Variants in TENM4 observed in about 807,000 individuals in gnomAD.
TENM4 encodes the protein teneurin transmembrane protein 4.
A neutral mutation model predicts 243.3 loss-of-function variants in TENM4; 82 were observed. That is an observed-to-expected ratio of 0.34 (90% CI 0.28 to 0.40). The LOEUF (loss-of-function observed/expected upper bound fraction) is 0.40. Ranked by LOEUF, TENM4 falls within the 10% of genes least tolerant of loss-of-function variation. The pLI, the probability that TENM4 is intolerant of heterozygous loss-of-function variation, is 1.00. For missense variants in TENM4, 3,138 were observed against 3,673.3 expected (o/e 0.85, Z 3.77); for synonymous variants, 1,412 against 1,456.3 (o/e 0.97, Z 0.69).
chr11:78,763,344 C>T (rs549953696), intron 18 of TENM4, among the ~76,000 whole-genome samples: 21 of 152,026 alleles, frequency 1.4e-4, no homozygotes, highest in African/African-American at 4.8e-4. Flanking sequence ...ATGCTGCACT[C>T]GAGTGGCCCC....
intron 3 of TENM4, among the ~76,000 whole-genome samples, chr11:79,194,009 G>A (rs567240823): frequency 1.3e-5 from 2 of 152,208 alleles, no homozygotes; most frequent in African/African-American, 4.8e-5. Flanking sequence ...CCTGTTGTGG[G>A]AGGGACTCAG....
intron 6 of TENM4, among the ~76,000 whole-genome samples, chr11:78,992,128 T>C (rs760456160): frequency 4.6e-5 from 7 of 152,166 alleles, no homozygotes; most frequent in Admixed American, 2.0e-4. Flanking sequence ...CAGACTTCTG[T>C]TAGGAAAAGG....
chr11:79,190,442 G>C (rs1286660935), intron 3 of TENM4, among the ~76,000 whole-genome samples: 8 of 152,122 alleles, frequency 5.3e-5, no homozygotes, highest in Non-Finnish European at 1.2e-4. Flanking sequence ...TGGAGGGCAG[G>C]ACTAAGTCTT....
chr11:79,423,673 G>C (rs912099389), intron 1 of TENM4, among the ~76,000 whole-genome samples: 8 of 151,632 alleles, frequency 5.3e-5, no homozygotes, highest in Non-Finnish European at 1.2e-4. Flanking sequence ...TGGAGCAGCA[G>C]GCGCAGGGAG....
At chr11:79,008,901 C>G (rs1858568162) in intron 6 of TENM4, among the ~76,000 whole-genome samples, 1 of 152,168 alleles carries the variant, frequency 6.6e-6, no homozygotes, top group South Asian at 2.1e-4. Flanking sequence ...GTCTATATCA[C>G]CACGCCCTTG....
intron 1 of TENM4, among the ~76,000 whole-genome samples, chr11:79,343,858 A>T (rs1857282059): frequency 6.6e-6 from 1 of 152,196 alleles, no homozygotes; most frequent in Non-Finnish European, 1.5e-5. Context: ...CCCCAGGCTC[A>T]TGCCTGGGTC....
chr11:79,027,689 T>C (rs1859116355), intron 6 of TENM4, among the ~76,000 whole-genome samples: 1 of 152,216 alleles, frequency 6.6e-6, no homozygotes, highest in South Asian at 2.1e-4. Context: ...ACATTTCTTC[T>C]CTGGCCTTCT....
At chr11:78,930,882 A>G (rs618203) in intron 6 of TENM4, among the ~76,000 whole-genome samples, 83,355 of 152,046 alleles carry the variant, frequency 0.55, 26,311 homozygotes, top group East Asian at 0.78. Flanking sequence ...CAGAGGCAGG[A>G]AGCTATCGTT....
Position 79,138,916 on chromosome 11 carries a change from T to TAAA in TENM4, c.-66+9793_-66+9794insTTT, listed in dbSNP as rs1401306594. ...TATATATTATATTTCTATAAATATA[T>TAAA]ATTACATTTCCATAAATATATAAAA... On this transcript the variant is annotated intron_variant, in intron 4 of 33. Coordinates refer to ENST00000278550, the MANE Select transcript of TENM4 (RefSeq NM_001098816.3). 6.2e-4 allele frequency among the ~76,000 whole-genome samples: 63 copies of TAAA among 102,314 alleles called. 3 individuals are homozygous for TAAA. The highest frequency in any genetic ancestry group is 5.4e-3 in the South Asian group (18 of 3,348). The allele number at this position is 102,314 out of a possible 152,430, so 67.1% of individuals were successfully genotyped here.
chr11:79,249,910 G>T (rs1049333952), intron 2 of TENM4, among the ~76,000 whole-genome samples: 3 of 152,194 alleles, frequency 2.0e-5, no homozygotes, highest in East Asian at 1.9e-4. Context: ...AGTAGTGGCG[G>T]CATTACTCAT....
At chr11:79,157,113 T>C (rs1477890401) in intron 3 of TENM4, among the ~76,000 whole-genome samples, 2 of 152,080 alleles carry the variant, frequency 1.3e-5, no homozygotes, top group Non-Finnish European at 2.9e-5. Flanking sequence ...AGAGAGGAGA[T>C]GGGACAGTGC....
chr11:78,773,032 C>T (rs1856672024), intron 17 of TENM4, among the ~76,000 whole-genome samples: 1 of 152,234 alleles, frequency 6.6e-6, no homozygotes, highest in Admixed American at 6.5e-5. Flanking sequence ...CAACATCAGC[C>T]ACCATTAGTG....
Position 79,222,797 on chromosome 11 carries a change from GTCT to G in TENM4, c.-264-6891_-264-6889del, listed in dbSNP as rs148049127. ...TTATACATTTGCTGGCTGCATAAAT[GTCT>G]TCTTCTAGAAGTGTCTGTTCATGTC... On this transcript the variant is annotated intron_variant, in intron 2 of 33. Coordinates refer to ENST00000278550, the MANE Select transcript of TENM4 (RefSeq NM_001098816.3). 9.9e-3 allele frequency among the ~76,000 whole-genome samples: 1,511 copies of G among 152,294 alleles called. 13 individuals carry two copies. The highest frequency in any genetic ancestry group is 0.016 in the Non-Finnish European group (1,102 of 68,028).
chr11:78,880,706 C>T (rs547995), intron 9 of TENM4, among the ~76,000 whole-genome samples: 3,037 of 152,304 alleles, frequency 0.02, 37 homozygotes, highest in Non-Finnish European at 0.031. Flanking sequence ...CTGTTGTTTG[C>T]CCCAGTATCT....
chr11:79,431,399 C>A (rs1252248336), intron 1 of TENM4, among the ~76,000 whole-genome samples: 1 of 152,142 alleles, frequency 6.6e-6, no homozygotes, highest in Non-Finnish European at 1.5e-5. Flanking sequence ...AATAACACTG[C>A]AATGAACATT....
chr11:78,769,041 C>T (rs924557120), intron 18 of TENM4, among the ~76,000 whole-genome samples: 4 of 152,238 alleles, frequency 2.6e-5, no homozygotes, highest in Admixed American at 6.5e-5. Context: ...GACATGCAGT[C>T]ATTTTGCTGC....
At chr11:78,819,566 C>T (rs1216843963) in intron 12 of TENM4, among the ~76,000 whole-genome samples, 1 of 152,148 alleles carries the variant, frequency 6.6e-6, no homozygotes, top group Non-Finnish European at 1.5e-5. Context: ...CTGCCTCTTG[C>T]CTTGCTCTGA....
At chr11:79,382,697 G>A (rs1214166673) in intron 1 of TENM4, among the ~76,000 whole-genome samples, 1 of 152,014 alleles carries the variant, frequency 6.6e-6, no homozygotes. Context: ...CACTGGGGAA[G>A]GGGTGCTACC....
chr11:79,273,388 G>C (rs1188669317), intron 2 of TENM4, among the ~76,000 whole-genome samples: 2 of 152,198 alleles, frequency 1.3e-5, no homozygotes, highest in African/African-American at 4.8e-5. Context: ...CTCTTAGGTA[G>C]AGGATGCTGA....
Sources: allele counts gnomAD v4.1 joint callset (sites outside exome capture counted in the v4.1 genomes callset), GRCh38; gene constraint gnomAD v4.1.1; transcripts MANE v1.5; gene names NCBI Gene and HGNC (gene_info 2026-07-23, HGNC 2026-07-21).